Variants in KCNG1 observed in about 807,000 individuals in gnomAD.
The protein encoded by KCNG1 is voltage-gated potassium channel regulatory subunit KCNG1.
A neutral mutation model predicts 32.4 loss-of-function variants in KCNG1; 17 were observed. That is an observed-to-expected ratio of 0.52 (90% CI 0.36 to 0.79). The LOEUF is 0.79. KCNG1 is among the 30% of genes least tolerant of loss of function. The pLI, the probability that KCNG1 is intolerant of heterozygous loss-of-function variation, is 0.00. For synonymous variants in KCNG1, 358 were observed against 339.9 expected, an observed-to-expected ratio of 1.05 and a Z score of -0.59; for missense variants, 441 against 735.2, an observed-to-expected ratio of 0.60 and a Z score of 4.63.
chr20:51,016,973 C>T (rs186161604), intron 1 of KCNG1, among the ~76,000 whole-genome samples: 1 of 152,320 alleles, frequency 6.6e-6, no homozygotes, highest in Non-Finnish European at 1.5e-5. Context: ...ACCCAGGAAT[C>T]CCACTTCTGG....
Position 51,005,021 on chromosome 20 carries a change from C to A in KCNG1, c.775-215G>T. 2.2e-6 allele frequency: 1 copy of A among 461,632 alleles called. No individual in the cohort carries two copies. Among genetic ancestry groups the A allele is most frequent in the Non-Finnish European group, 3.8e-6 (1 of 265,568 alleles). 28.6% of individuals were successfully genotyped at this position (461,632 alleles called of 1,614,324 possible). A position where few individuals can be genotyped will look rare whatever the true frequency, so the allele number is the denominator to read the frequency against. Reference sequence around the variant, plus strand: ...CCGCTCCTCATCTCTCTCTCCAGCCCCCACCTCAGCCCTGAACTCCAGACC... The same window carrying A: ...CCGCTCCTCATCTCTCTCTCCAGCCACCACCTCAGCCCTGAACTCCAGACC... On this transcript the variant is annotated intron_variant, in intron 2 of 2. Transcript: ENST00000371571. This position sits in a 1 kb window ranked among gnomAD's most constrained non-coding sequence, Gnocchi z 4.0.
Position 51,004,845 on chromosome 20 carries a change from GC to G in KCNG1, c.775-40del. ...GAAGGGACGCCGGAGGGGTCAGCGGGCCCTCCAGGAAAGGAGGGCAGAAGCT... is the reference window on the plus strand; with the variant it reads ...GAAGGGACGCCGGAGGGGTCAGCGGGCCTCCAGGAAAGGAGGGCAGAAGCT... On this transcript the variant is annotated intron_variant, in intron 2 of 2. Coordinates refer to ENST00000371571, the MANE Select transcript of KCNG1 (RefSeq NM_002237.4). This position sits in a 1 kb window ranked among gnomAD's most constrained non-coding sequence, Gnocchi z 4.3. The G allele has an allele frequency of 6.7e-7, 1 of 1,486,868 alleles. No individual in the cohort carries two copies. Among genetic ancestry groups the G allele is most frequent in the Admixed American group, 2.3e-5 (1 of 43,752 alleles). The allele number at this position is 1,486,868 out of a possible 1,614,324, so 92.1% of individuals were successfully genotyped here. A position where few individuals can be genotyped will look rare whatever the true frequency, so the allele number is the denominator to read the frequency against.
Position 51,009,808 on chromosome 20 carries a change from C to T in KCNG1, c.531G>A (p.Ala177=), listed in dbSNP as rs140916173. 1.4e-5 allele frequency: 23 copies of T among 1,612,830 alleles called. No homozygotes were observed. The highest frequency in any genetic ancestry group is 2.7e-5 in the African/African-American group (2 of 74,934). ...RRYLQKIEEF[A]EMVEREEEDD... ...CCTCTTCCTCCCGCTCCACCATCTC[C>T]GCGAACTCCTCAATCTTCTGCAGGT... Residue 177 remains alanine, a synonymous_variant, in exon 2 of 3, where the codon GCG becomes GCA. Coordinates refer to ENST00000371571, the MANE Select transcript of KCNG1 (RefSeq NM_002237.4).
At position 51,015,543 on chromosome 20, in the gene KCNG1, T is replaced by C. The variant is rs905363785; in HGVS notation, c.-26-5179A>G. On this transcript the variant is annotated intron_variant, in intron 1 of 2. Transcript: ENST00000371571. The surrounding 1 kb of genome is among the most constrained non-coding windows in gnomAD (Gnocchi z 4.4). ...CCGGAGGGCCAGGGTAGTAGAGCTA[T>C]GGTGAAGTCAGAGGTGGGGGCCTCA... is the stretch of plus-strand genomic sequence containing the variant. Among the ~76,000 whole-genome samples the C allele has an allele frequency of 2.0e-5, 3 of 152,136 alleles. No individual in the cohort carries two copies. Among genetic ancestry groups the C allele is most frequent in the African/African-American group, 4.8e-5 (2 of 41,420 alleles).
chr20:51,015,519 C>T lies in KCNG1; in HGVS notation c.-26-5155G>A, dbSNP rs1193320539. Among the ~76,000 whole-genome samples the T allele has an allele frequency of 8.5e-5, 13 of 152,090 alleles. No homozygotes were observed. Among genetic ancestry groups the T allele is most frequent in the Admixed American group, 7.2e-4 (11 of 15,278 alleles). On this transcript the variant is annotated intron_variant, in intron 1 of 2. Transcript: ENST00000371571. This position sits in a 1 kb window ranked among gnomAD's most constrained non-coding sequence, Gnocchi z 4.4. ...TTGACCTGGCTAGGCTGGCAGGGGC[C>T]GGAGGGCCAGGGTAGTAGAGCTATG...
intron 1 of KCNG1, among the ~76,000 whole-genome samples, chr20:51,019,934 C>T (rs1016388281): frequency 2.0e-5 from 3 of 152,186 alleles, no homozygotes; most frequent in Admixed American, 6.5e-5. Context: ...GCTGCTGTGC[C>T]CTGGTGGAGA....
At chr20:51,014,301 CCTACA>C (rs764643072) in intron 1 of KCNG1, among the ~76,000 whole-genome samples, 2 of 152,152 alleles carry the variant, frequency 1.3e-5, no homozygotes, top group African/African-American at 2.4e-5. Context: ...ACCTCTAGAC[CCTACA>C]CTAAAGTTCA....
intron 1 of KCNG1, among the ~76,000 whole-genome samples, chr20:51,012,899 G>A (rs919525064): frequency 2.0e-5 from 3 of 151,968 alleles, no homozygotes; most frequent in Admixed American, 1.3e-4. Flanking sequence ...TTTCCTTCCC[G>A]GCCCTATAGG....
At chr20:51,021,823 AG>A (rs930839430) in intron 1 of KCNG1, among the ~76,000 whole-genome samples, 6 of 152,176 alleles carry the variant, frequency 3.9e-5, no homozygotes, top group African/African-American at 1.4e-4. Flanking sequence ...TGCATTCCTC[AG>A]TAATGTCGGA....
At chr20:51,014,867 C>A (rs1023702773) in intron 1 of KCNG1, among the ~76,000 whole-genome samples, 32 of 152,110 alleles carry the variant, frequency 2.1e-4, no homozygotes, top group African/African-American at 7.2e-4. Flanking sequence ...ATGGATAGAT[C>A]CAGCCCCGTG....
intron 2 of KCNG1, chr20:51,007,886 A>G (rs6020908): frequency 0.77 from 117,255 of 151,574 alleles, 46,147 homozygotes; most frequent in Middle Eastern, 0.87. Context: ...CAAAAGTACC[A>G]GTAAGCCTCT....
intron 2 of KCNG1, among the ~76,000 whole-genome samples, chr20:51,008,268 A>G (rs1987914516): frequency 6.6e-6 from 1 of 151,884 alleles, no homozygotes; most frequent in African/African-American, 2.4e-5. Flanking sequence ...GTAGGACCGC[A>G]GGCTGGTGTA....
intron 2 of KCNG1, chr20:51,006,966 C>T (rs1436563021): frequency 6.6e-6 from 1 of 152,412 alleles, no homozygotes; most frequent in Non-Finnish European, 1.5e-5. Flanking sequence ...ACAGCTACTA[C>T]ACAGCTAGAG....
At position 51,009,596 on chromosome 20, in the gene KCNG1, G is replaced by A; in HGVS notation, c.743C>T (p.Thr248Ile). The A allele has an allele frequency of 6.2e-7, 1 of 1,609,338 alleles. No individual in the cohort carries two copies. The highest frequency in any genetic ancestry group is 8.5e-7 in the Non-Finnish European group (1 of 1,178,736). The change falls in exon 2 of 3, where the codon ACC (threonine) becomes ATC (isoleucine). Residue 248 changes from threonine (T) to isoleucine (I), a missense_variant. Physicochemically the swap from Thr to Ile is moderately conservative, Grantham distance 89. This residue lies in a region of KCNG1 where 169 missense variants were observed against 297.7 expected (regional missense o/e 0.57). Coordinates refer to ENST00000371571, the MANE Select transcript of KCNG1 (RefSeq NM_002237.4). ...TVTAVNLSVSTLPSLREEEEQ... is the reference protein window; with the variant it reads ...TVTAVNLSVSILPSLREEEEQ... ...CTCCTCCTCCCTCAGGCTGGGCAAGGTGCTGACGGAGAGGTTGACGGCGGT... is the reference window on the plus strand; with the variant it reads ...CTCCTCCTCCCTCAGGCTGGGCAAGATGCTGACGGAGAGGTTGACGGCGGT...
At chr20:51,010,755 C>G (rs1988053963) in intron 1 of KCNG1, among the ~76,000 whole-genome samples, 1 of 152,030 alleles carries the variant, frequency 6.6e-6, no homozygotes, top group Non-Finnish European at 1.5e-5. Context: ...ACTAGCCAGG[C>G]ATGGTGGCGT....
At chr20:51,020,111 A>T (rs979608273) in intron 1 of KCNG1, among the ~76,000 whole-genome samples, 5 of 152,150 alleles carry the variant, frequency 3.3e-5, no homozygotes, top group African/African-American at 1.2e-4. Context: ...AAAAAGTGCC[A>T]GTGTCCCTCC....
rs1307709670 is a variant in KCNG1 at position 51,010,108 on chromosome 20, G to C, written c.231C>G (p.Pro77=). ...INVGGIKYSL[P]WTTLDEFPLT... ...GCGGGAACTCGTCCAGCGTGGTCCA[G>C]GGCAGCGAGTACTTGATGCCGCCTA... Residue 77 remains proline, a synonymous_variant, in exon 2 of 3, where the codon CCC becomes CCG. Transcript: ENST00000371571. The C allele has an allele frequency of 3.1e-6, 5 of 1,613,768 alleles. No individual in the cohort carries two copies. The highest frequency in any genetic ancestry group is 4.2e-6 in the Non-Finnish European group (5 of 1,179,986).
At chr20:51,012,339 C>A (rs1017532187) in intron 1 of KCNG1, 6 of 152,252 alleles carry the variant, frequency 3.9e-5, no homozygotes, top group African/African-American at 1.4e-4. Flanking sequence ...AACTGGTGCA[C>A]CCGTCTTCAC....
chr20:51,017,632 C>G (rs1036124854), intron 1 of KCNG1, among the ~76,000 whole-genome samples: 5 of 152,288 alleles, frequency 3.3e-5, no homozygotes, highest in African/African-American at 1.2e-4. Flanking sequence ...GGTGGAGATA[C>G]AGATTTCTGG....
Sources: allele counts gnomAD v4.1 joint callset (sites outside exome capture counted in the v4.1 genomes callset), GRCh38; gene constraint gnomAD v4.1.1; regional missense constraint gnomAD v4.1.1; non-coding constraint Gnocchi (gnomAD v3.1); transcripts MANE v1.5; gene names NCBI Gene and HGNC (gene_info 2026-07-23, HGNC 2026-07-21).